The following COG5 variants were observed in gnomAD, a reference collection of about 807,000 sequenced individuals.
COG5 encodes component of oligomeric golgi complex 5.
Under a neutral mutation model 110.4 loss-of-function variants are expected in COG5, and 86 were observed. The observed-to-expected ratio is 0.78, with a 90% CI of 0.65 to 0.93. The LOEUF (loss-of-function observed/expected upper bound fraction) is 0.93. COG5 is among the 40% of genes least tolerant of loss of function. The probability of loss-of-function intolerance (pLI) is 0.00; values close to 1 mark genes in which losing one functional copy is unlikely to be tolerated. For missense variants in COG5, 1,077 were observed against 987.0 expected, an observed-to-expected ratio of 1.09 and a Z score of -1.22; for synonymous variants, 360 against 334.6, an observed-to-expected ratio of 1.08 and a Z score of -0.83.
At chr7:107,245,875 A>C (rs1802014998) in intron 17 of COG5, among the ~76,000 whole-genome samples, 1 of 152,220 alleles carries the variant, frequency 6.6e-6, no homozygotes, top group South Asian at 2.1e-4. Context: ...TTTAAAATTC[A>C]GATGGGACCA....
At chr7:107,211,733 C>G (rs1200506241) in intron 19 of COG5, among the ~76,000 whole-genome samples, 2 of 152,264 alleles carry the variant, frequency 1.3e-5, no homozygotes, top group East Asian at 3.9e-4. Flanking sequence ...CTGAACACTC[C>G]ATCAAAAATT....
rs144485187 is a variant in COG5, at chr7:107,412,531, G to T, written c.640C>A (p.Arg214Ser). 4 of 1,612,556 alleles carry T rather than the reference G, an allele frequency of 2.5e-6. No individual in the cohort carries two copies. The highest frequency in any genetic ancestry group is 3.4e-6 in the Non-Finnish European group (4 of 1,179,572). ...ARLEVENQAKRLLEQGLETQN... is the reference protein window; with the variant it reads ...ARLEVENQAKSLLEQGLETQN... ...GTCTCCAAACCCTGCTCTAGTAGGC[G>T]CTTAGCTTGATTTTCCACTTCAAGT... Residue 214 changes from arginine to serine, a missense_variant, in exon 7 of 22, where the codon CGC becomes AGC. Arg to Ser is a moderately radical substitution (Grantham distance 110, BLOSUM62 -1). Transcript: ENST00000297135.
At chr7:107,479,347 G>A (rs1797179489) in intron 6 of COG5, among the ~76,000 whole-genome samples, 1 of 152,164 alleles carries the variant, frequency 6.6e-6, no homozygotes, top group Non-Finnish European at 1.5e-5. Context: ...AGAGGTATCT[G>A]AGCAGGGGAA....
intron 6 of COG5, among the ~76,000 whole-genome samples, chr7:107,417,612 C>G (rs889205373): frequency 3.3e-5 from 5 of 152,100 alleles, no homozygotes; most frequent in Non-Finnish European, 7.4e-5. Flanking sequence ...CTTCTTGATA[C>G]AAATTATCAA....
At chr7:107,219,755 CTA>C (rs1799775349) in intron 19 of COG5, among the ~76,000 whole-genome samples, 1 of 152,102 alleles carries the variant, frequency 6.6e-6, no homozygotes. Context: ...TTTTTGAAAT[CTA>C]TTGCACAACA....
At chr7:107,382,936 C>T (rs1037180102) in intron 7 of COG5, among the ~76,000 whole-genome samples, 1 of 152,152 alleles carries the variant, frequency 6.6e-6, no homozygotes, top group Non-Finnish European at 1.5e-5. Context: ...TCTCCAGCTG[C>T]AACTCAGAAA....
intron 6 of COG5, among the ~76,000 whole-genome samples, chr7:107,459,187 C>G (rs1795842548): frequency 6.6e-6 from 1 of 151,756 alleles, no homozygotes; most frequent in Non-Finnish European, 1.5e-5. Flanking sequence ...AAAAACAAAC[C>G]ATTATTATCA....
In COG5 at chr7:107,325,421, C is replaced by A. The variant is rs571268271; in HGVS notation, c.1027-900G>T. Among the ~76,000 whole-genome samples the A allele has an allele frequency of 1.6e-4, 24 of 152,250 alleles. No homozygotes were observed. The South Asian group carries it at 2.5e-3, about 16-fold the overall frequency. On this transcript the variant is annotated intron_variant, in intron 10 of 21. Transcript: ENST00000297135. ...ATCCCAGCACTTTGGGAGGCCAAGG[C>A]GGATGGATTACCAGAGGTCAGGAGT...
At chr7:107,514,492 A>G (rs1799780303) in intron 6 of COG5, among the ~76,000 whole-genome samples, 1 of 152,202 alleles carries the variant, frequency 6.6e-6, no homozygotes, top group East Asian at 1.9e-4. Flanking sequence ...AAGTACAATA[A>G]TAATGTGATT....
chr7:107,553,698 G>A (rs989987624), intron 3 of COG5, among the ~76,000 whole-genome samples: 1 of 152,014 alleles, frequency 6.6e-6, no homozygotes, highest in South Asian at 2.1e-4. Flanking sequence ...AAGCAGATTT[G>A]TAAAAATAAA....
chr7:107,381,751 T>C (rs190477993), intron 7 of COG5, among the ~76,000 whole-genome samples: 13 of 152,364 alleles, frequency 8.5e-5, no homozygotes, highest in Non-Finnish European at 1.6e-4. Flanking sequence ...AATTATCGAC[T>C]GAACTCAGAA....
intron 6 of COG5, among the ~76,000 whole-genome samples, chr7:107,417,373 A>G (rs1232312857): frequency 6.6e-6 from 1 of 152,174 alleles, no homozygotes; most frequent in East Asian, 1.9e-4. Flanking sequence ...ACTTAATGTT[A>G]CATACATTTA....
At chr7:107,376,437 A>C (rs1469460133) in intron 7 of COG5, among the ~76,000 whole-genome samples, 1 of 151,886 alleles carries the variant, frequency 6.6e-6, no homozygotes, top group Non-Finnish European at 1.5e-5. Flanking sequence ...TCATTTACTC[A>C]GGTCTTTAAT....
intron 17 of COG5, among the ~76,000 whole-genome samples, chr7:107,241,230 G>A (rs1187496029): frequency 6.6e-6 from 1 of 152,032 alleles, no homozygotes; most frequent in African/African-American, 2.4e-5. Context: ...GCTCCCTTCT[G>A]AGAGGCATTC....
At position 107,203,592 on chromosome 7, in the gene COG5, C is replaced by G; in HGVS notation, c.2414G>C (p.Arg805Thr). The change falls in exon 22 of 22, where the codon AGA becomes ACA. Residue 805 changes from arginine (R) to threonine (T), a missense_variant. Arg to Thr is a moderately conservative substitution (Grantham distance 71, BLOSUM62 -1). Coordinates refer to ENST00000297135, the MANE Select transcript of COG5 (RefSeq NM_006348.5). ...AACTGGTGCAAATTCTTTGCCTTCT[C>G]TACTTCTCACTGATTGAACATAAGC... Reference protein sequence around the residue: ...LEAYVQSVRSREGKEFAPVYP... With the variant: ...LEAYVQSVRSTEGKEFAPVYP... 1 of 1,614,078 alleles carries G rather than the reference C, an allele frequency of 6.2e-7. No homozygotes were observed. The highest frequency in any genetic ancestry group is 2.2e-5 in the East Asian group (1 of 44,856).
intron 19 of COG5, among the ~76,000 whole-genome samples, chr7:107,218,350 A>G (rs180745742): frequency 6.6e-6 from 1 of 152,268 alleles, no homozygotes; most frequent in East Asian, 1.9e-4. Flanking sequence ...AGAAAACATA[A>G]TCCTAAAATT....
chr7:107,485,139 T>C (rs1366112760), intron 6 of COG5, among the ~76,000 whole-genome samples: 1 of 152,176 alleles, frequency 6.6e-6, no homozygotes, highest in Non-Finnish European at 1.5e-5. Flanking sequence ...AATGGTTAAG[T>C]GCAGAACAAA....
chr7:107,412,535 A>G lies in COG5; in HGVS notation c.636T>C (p.Ala212=), dbSNP rs1792381545. Residue 212 remains alanine, a synonymous_variant, in exon 7 of 22, where the codon GCT becomes GCC. Coordinates refer to ENST00000297135, the MANE Select transcript of COG5 (RefSeq NM_006348.5). ...CCAAACCCTGCTCTAGTAGGCGCTT[A>G]GCTTGATTTTCCACTTCAAGTCGGG... is the stretch of plus-strand genomic sequence containing the variant. ...ARARLEVENQ[A]KRLLEQGLET... 5.6e-6 allele frequency: 9 copies of G among 1,613,178 alleles called. No homozygotes were observed. The highest frequency in any genetic ancestry group is 7.6e-6 in the Non-Finnish European group (9 of 1,179,648).
intron 8 of COG5, among the ~76,000 whole-genome samples, chr7:107,367,569 T>TACAC (rs146551030): frequency 1.8e-3 from 277 of 150,822 alleles, no homozygotes; most frequent in African/African-American, 5.2e-3. Flanking sequence ...TGTATATATA[T>TACAC]ACACACACAC....
Sources: allele counts gnomAD v4.1 joint callset (sites outside exome capture counted in the v4.1 genomes callset), GRCh38; gene constraint gnomAD v4.1.1; transcripts MANE v1.5; gene names NCBI Gene and HGNC (gene_info 2026-07-23, HGNC 2026-07-21).